The following RTTN variants were observed in gnomAD, a reference collection of about 807,000 sequenced individuals.
RTTN encodes the protein rotatin.
In RTTN, 182 loss-of-function variants were observed where a neutral mutation model predicts 269.2. The ratio of observed to expected loss-of-function variants is 0.68; its 90% CI spans 0.60 to 0.76. The LOEUF is 0.76. RTTN is among the 30% of genes least tolerant of loss of function. The pLI is 0.00. For missense variants in RTTN, 2,545 were observed against 2,608.6 expected (o/e 0.98, Z 0.53); for synonymous variants, 1,006 against 963.5 (o/e 1.04, Z -0.82).
At chr18:70,180,688 C>T (rs2061404183) in intron 10 of RTTN, among the ~76,000 whole-genome samples, 1 of 150,780 alleles carries the variant, frequency 6.6e-6, no homozygotes, top group Non-Finnish European at 1.5e-5. Flanking sequence ...GCTATAAATA[C>T]AAAACCACAA....
intron 37 of RTTN, among the ~76,000 whole-genome samples, chr18:70,055,210 A>G (rs2057782919): frequency 6.6e-6 from 1 of 152,164 alleles, no homozygotes; most frequent in African/African-American, 2.4e-5. Context: ...ATGAGCTGTG[A>G]TGTCTCATTT....
chr18:70,042,519 G>A (rs1046789613), intron 40 of RTTN, among the ~76,000 whole-genome samples: 1 of 151,962 alleles, frequency 6.6e-6, no homozygotes, highest in Admixed American at 6.5e-5. Flanking sequence ...GGGACTACAG[G>A]TGCCCGCCGC....
chr18:70,114,820 C>T (rs953117337), intron 26 of RTTN, among the ~76,000 whole-genome samples: 7 of 151,738 alleles, frequency 4.6e-5, no homozygotes, highest in East Asian at 1.9e-4. Context: ...AAAAAAAGGA[C>T]GAGAAAAACA....
intron 35 of RTTN, 38 bp from the exon 36 acceptor site, chr18:70,060,080 T>G (rs1159850994): frequency 6.6e-7 from 1 of 1,508,102 alleles, no homozygotes; most frequent in South Asian, 1.3e-5. Context: ...ATTATTTACC[T>G]TACAGCTATG....
At chr18:70,028,692 C>T in intron 43 of RTTN, 32 bp downstream of exon 43, 2 of 1,312,068 alleles carry the variant, frequency 1.5e-6, no homozygotes, top group South Asian at 1.2e-5. Flanking sequence ...ACCAGTACTC[C>T]TATTAAAATT....
intron 11 of RTTN, 145 bp from the exon 12 acceptor site, chr18:70,169,212 A>T (rs2061071917): frequency 1.8e-6 from 1 of 570,044 alleles, no homozygotes; most frequent in Admixed American, 3.6e-5. Flanking sequence ...TTCCAAAGAA[A>T]ATCCCATTTC....
At position 70,193,449 on chromosome 18, in the gene RTTN, T is replaced by G. The variant is rs1013638133; in HGVS notation, c.846A>C (p.Thr282=). 1 of 1,514,004 alleles carries G rather than the reference T, an allele frequency of 6.6e-7. No individual in the cohort carries two copies. The highest frequency in any genetic ancestry group is 8.8e-7 in the Non-Finnish European group (1 of 1,131,926). The allele number at this position is 1,514,004 out of a possible 1,614,324, so 93.8% of individuals were successfully genotyped here. The change falls in exon 8 of 49, where the codon ACA becomes ACC. Residue 282 remains threonine, a synonymous_variant. Transcript: ENST00000640769. ...AAGACAAAGAAGAATTTTGGGAAAC[T>G]GTGTCTGGGGAAACAAAGAAAAAAT... The part of the protein sequence containing the change: ...DPGFFSNKHD[T]VSQNSSLSYC...
At chr18:70,047,807 ATAGT>A (rs1022334967) in intron 40 of RTTN, among the ~76,000 whole-genome samples, 160 bp downstream of exon 40, 1 of 152,208 alleles carries the variant, frequency 6.6e-6, no homozygotes, top group South Asian at 2.1e-4. Context: ...TAAGGAGGAG[ATAGT>A]TAATTTAACT....
chr18:70,103,714 C>T (rs2059239978), intron 28 of RTTN, among the ~76,000 whole-genome samples: 1 of 149,492 alleles, frequency 6.7e-6, no homozygotes, highest in African/African-American at 2.5e-5. Flanking sequence ...TATGACCCTG[C>T]CACATCCCCC....
At chr18:70,104,000 C>T (rs904490471) in intron 28 of RTTN, among the ~76,000 whole-genome samples, 6 of 152,026 alleles carry the variant, frequency 3.9e-5, no homozygotes, top group Non-Finnish European at 7.4e-5. Flanking sequence ...ATCTTTGTGG[C>T]GTTCTCTGTA....
chr18:70,058,782 C>A (rs1295534945), intron 36 of RTTN, among the ~76,000 whole-genome samples: 2 of 145,898 alleles, frequency 1.4e-5, no homozygotes, highest in African/African-American at 2.4e-5. Context: ...CTTTTCCAAT[C>A]CGAGTAGGTA....
At position 70,043,593 on chromosome 18, in the gene RTTN, C is replaced by T. The variant is rs971354673; in HGVS notation, c.5541+4378G>A. On this transcript the variant is annotated intron_variant, in intron 40 of 48. Coordinates refer to ENST00000640769, the MANE Select transcript of RTTN (RefSeq NM_173630.4). ...AGTAGCTAAATGAGGTATAAGTGGT[C>T]ACCTCTGAGAATATGAGGAATGAAG... Among the ~76,000 whole-genome samples the T allele has an allele frequency of 2.0e-5, 3 of 152,144 alleles. No homozygotes were observed. In the South Asian group the frequency reaches 6.2e-4, roughly 32 times the overall value.
intron 14 of RTTN, among the ~76,000 whole-genome samples, chr18:70,158,171 A>C (rs117217119): frequency 6.6e-6 from 1 of 152,172 alleles, no homozygotes; most frequent in Non-Finnish European, 1.5e-5. Flanking sequence ...GGTCAACAGG[A>C]AAGAAAAAAT....
At chr18:70,058,990 A>G (rs1003330586) in intron 36 of RTTN, among the ~76,000 whole-genome samples, 10 of 152,230 alleles carry the variant, frequency 6.6e-5, no homozygotes, top group Non-Finnish European at 1.5e-4. Context: ...GATGCAAGAC[A>G]TTTCAGATGG....
chr18:70,104,586 T>G (rs551689938), intron 28 of RTTN, among the ~76,000 whole-genome samples: 1 of 152,368 alleles, frequency 6.6e-6, no homozygotes, highest in South Asian at 2.1e-4. Context: ...ATTTTTAGAA[T>G]TTTCAGCTTT....
chr18:70,005,932 C>A (rs908801109), intron 47 of RTTN: 1 of 156,314 alleles, frequency 6.4e-6, no homozygotes, highest in African/African-American at 2.4e-5. Flanking sequence ...GAGTAGAACA[C>A]AAATCTCCAC....
At chr18:70,157,257 C>T (rs536516479) in intron 14 of RTTN, among the ~76,000 whole-genome samples, 1 of 152,290 alleles carries the variant, frequency 6.6e-6, no homozygotes, top group African/African-American at 2.4e-5. Context: ...TCGGCTCCTC[C>T]AGTGCAGCAG....
intron 11 of RTTN, 102 bp downstream of exon 11, chr18:70,176,573 G>T: frequency 9.2e-7 from 1 of 1,087,314 alleles, no homozygotes; most frequent in Non-Finnish European, 1.2e-6. Context: ...ATGGCCTAAA[G>T]CACAATACCT....
rs1158480686 is a variant in RTTN, at chr18:70,088,014, G to A, written c.4277C>T (p.Ser1426Leu). 2 of 1,613,580 alleles carry A rather than the reference G, an allele frequency of 1.2e-6. No homozygotes were observed. The highest frequency in any genetic ancestry group is 2.2e-5 in the East Asian group (1 of 44,870). Residue 1426 changes from serine to leucine, a missense_variant, in exon 31 of 49, where the codon TCA becomes TTA. Physicochemically the swap from Ser to Leu is moderately radical, Grantham distance 145. Transcript: ENST00000640769. ...GTVVNILLDQ[S>L]ECSMVRREAA... ...CTCCCGGCGCACCATACTACATTCT[G>A]ACTGGTCCAGAAGAATGTTCACCAC...
Sources: gnomAD v4.1 joint callset for allele counts (sites outside exome capture counted in the v4.1 genomes callset) on GRCh38, gnomAD v4.1.1 for gene constraint, MANE v1.5 for transcripts, NCBI Gene and HGNC (gene_info 2026-07-23, HGNC 2026-07-21) for gene names.